The following SMAD6 variants were observed in gnomAD, a reference collection of about 807,000 sequenced individuals.
The protein encoded by SMAD6 is MAD homolog 6.
Under a neutral mutation model 39.4 loss-of-function variants are expected in SMAD6, and 103 were observed. That is an observed-to-expected ratio of 2.62 (90% CI 2.23 to 3.08). SMAD6 has a LOEUF of 3.08. Among genes scored for constraint, SMAD6 ranks in the 30% most tolerant of loss-of-function variants. The pLI is 0.00. For missense variants in SMAD6, 1,104 were observed against 742.9 expected, an observed-to-expected ratio of 1.49 and a Z score of -5.65; for synonymous variants, 445 against 353.3, an observed-to-expected ratio of 1.26 and a Z score of -2.91.
chr15:66,740,313 C>T (rs1249420407), intron 3 of SMAD6: 2 of 152,260 alleles, frequency 1.3e-5, no homozygotes, highest in Non-Finnish European at 2.9e-5. Flanking sequence ...AGGAAGCCTT[C>T]TCTAGTCACC....
rs183459516 is a variant in SMAD6, at chr15:66,758,023, G to A, written c.953-22974G>A. 4.0e-4 allele frequency among the ~76,000 whole-genome samples: 61 copies of A among 152,296 alleles called. 2 individuals are homozygous for A. The Middle Eastern group carries it at 0.041, about 102-fold the overall frequency. ...GTGGGCGTGGGACCCTCCTTCAAGC[G>A]AATTCCACATTTACTCCATGGATAG... is the stretch of plus-strand genomic sequence containing the variant. On this transcript the variant is annotated intron_variant, in intron 3 of 3. Coordinates refer to ENST00000288840, the MANE Select transcript of SMAD6 (RefSeq NM_005585.5).
chr15:66,717,961 A>G (rs1893362915), intron 3 of SMAD6, among the ~76,000 whole-genome samples: 2 of 152,156 alleles, frequency 1.3e-5, no homozygotes, highest in Admixed American at 6.5e-5. Context: ...AGCCACATAT[A>G]ATTTTGAAGC....
intron 3 of SMAD6, among the ~76,000 whole-genome samples, chr15:66,772,469 T>C (rs1227655968): frequency 6.6e-6 from 1 of 152,236 alleles, no homozygotes; most frequent in Non-Finnish European, 1.5e-5. Context: ...ACATATTATG[T>C]TTGCAGGTGT....
intron 3 of SMAD6, among the ~76,000 whole-genome samples, chr15:66,774,386 C>G (rs1894430077): frequency 6.6e-6 from 1 of 152,208 alleles, no homozygotes; most frequent in African/African-American, 2.4e-5. Flanking sequence ...ACATGTTGGG[C>G]TCGCAGCACC....
In SMAD6 at chr15:66,716,509, T is replaced by C. The variant is rs1230643800; in HGVS notation, c.952+11T>C. ...CGGGTGAATTCTCAGGTCAGCATTT[T>C]TTCTTGTGCATTGCTGTTGTGTTGA... On this transcript the variant is annotated intron_variant, in intron 3 of 3. Transcript: ENST00000288840. 2 of 1,600,462 alleles carry C rather than the reference T, an allele frequency of 1.2e-6. No individual in the cohort carries two copies. The highest frequency in any genetic ancestry group is 1.7e-6 in the Non-Finnish European group (2 of 1,167,716).
chr15:66,781,224 A>T lies in SMAD6; in HGVS notation c.1180A>T (p.Ser394Cys), dbSNP rs1235099986. The T allele has an allele frequency of 1.2e-6, 2 of 1,608,872 alleles. No homozygotes were observed. Among genetic ancestry groups the T allele is most frequent in the Admixed American group, 1.7e-5 (1 of 60,004 alleles). The change falls in exon 4 of 4, where the codon AGC (serine) becomes TGC (cysteine). Residue 394 changes from serine to cysteine, a missense_variant. Transcript: ENST00000288840. ...CAAGATCGGCTTCGGCATCCTGCTC[A>T]GCAAGGAGCCCGACGGCGTGTGGGC... ...RSKIGFGILLSKEPDGVWAYN... is the reference protein window; with the variant it reads ...RSKIGFGILLCKEPDGVWAYN...
At chr15:66,740,126 A>G (rs1386410173) in intron 3 of SMAD6, among the ~76,000 whole-genome samples, 11 of 152,160 alleles carry the variant, frequency 7.2e-5, no homozygotes. Context: ...GGTGGGAGAA[A>G]GAGCCCCAGC....
intron 3 of SMAD6, among the ~76,000 whole-genome samples, chr15:66,776,970 G>A (rs1894477618): frequency 6.6e-6 from 1 of 152,136 alleles, no homozygotes; most frequent in African/African-American, 2.4e-5. Flanking sequence ...CTGGGAGGTC[G>A]AGGCCGCAGT....
At position 66,781,081 on chromosome 15, in the gene SMAD6, T is replaced by C; in HGVS notation, c.1037T>C (p.Leu346Pro). The C allele has an allele frequency of 6.2e-7, 1 of 1,607,392 alleles. No individual in the cohort carries two copies. The highest frequency in any genetic ancestry group is 1.1e-5 in the South Asian group (1 of 90,696). ...GAGCACCGGACGCGCGTGGGCCGCC[T>C]CTATGCGGTGTACGACCAGGCCGTC... ...YWEHRTRVGR[L>P]YAVYDQAVSI... Residue 346 changes from leucine to proline, a missense_variant, in exon 4 of 4, where the codon CTC becomes CCC. Leu to Pro is a moderately conservative substitution (Grantham distance 98, BLOSUM62 -3). Coordinates refer to ENST00000288840, the MANE Select transcript of SMAD6 (RefSeq NM_005585.5).
chr15:66,752,243 G>T (rs1189487439), intron 3 of SMAD6, among the ~76,000 whole-genome samples: 1 of 152,126 alleles, frequency 6.6e-6, no homozygotes, highest in African/African-American at 2.4e-5. Context: ...TGGCAGCTTT[G>T]CCTCTGTGGG....
Position 66,720,231 on chromosome 15 carries a change from G to A in SMAD6, c.952+3733G>A, listed in dbSNP as rs564400156. ...ATACTAAGGTGTGAGTGGCTGGTAG[G>A]CAAACTTTTTTTTTTTTTTCAACTT... is the stretch of plus-strand genomic sequence containing the variant. On this transcript the variant is annotated intron_variant, in intron 3 of 3. Coordinates refer to ENST00000288840, the MANE Select transcript of SMAD6 (RefSeq NM_005585.5). 2.9e-3 allele frequency among the ~76,000 whole-genome samples: 423 copies of A among 145,650 alleles called. 1 individual carries two copies. Among genetic ancestry groups the A allele is most frequent in the African/African-American group, 8.7e-3 (333 of 38,158 alleles).
chr15:66,744,225 C>A (rs929650175), intron 3 of SMAD6, among the ~76,000 whole-genome samples: 1 of 152,200 alleles, frequency 6.6e-6, no homozygotes, highest in African/African-American at 2.4e-5. Context: ...ACAAAAACCG[C>A]GGCTCTGGGA....
intron 3 of SMAD6, among the ~76,000 whole-genome samples, chr15:66,760,902 C>G (rs1394336093): frequency 6.6e-6 from 1 of 152,128 alleles, no homozygotes; most frequent in African/African-American, 2.4e-5. Context: ...CCATGCCAGG[C>G]TGTTGAACCC....
Position 66,717,085 on chromosome 15 carries a change from A to T in SMAD6, c.952+587A>T, listed in dbSNP as rs369164073. ...TCCCCTGCAGTTAGAAGCTGGTCAT[A>T]GGGACCCCTACATCCGGAGGAATAC... On this transcript the variant is annotated intron_variant, in intron 3 of 3. Coordinates refer to ENST00000288840, the MANE Select transcript of SMAD6 (RefSeq NM_005585.5). 21 of 1,288,892 alleles carry T rather than the reference A, an allele frequency of 1.6e-5. No individual in the cohort carries two copies. The East Asian group carries it at 2.2e-4, about 14-fold the overall frequency. 79.8% of individuals were successfully genotyped at this position (1,288,892 alleles called of 1,614,324 possible).
intron 3 of SMAD6, among the ~76,000 whole-genome samples, chr15:66,774,684 T>C (rs2140673471): frequency 6.6e-6 from 1 of 152,268 alleles, no homozygotes; most frequent in Admixed American, 6.5e-5. Context: ...TCCACCGTTC[T>C]TTAAGTATCC....
In SMAD6 at chr15:66,781,575, C is replaced by T; in HGVS notation, c.*40C>T. 7.0e-7 allele frequency: 1 copy of T among 1,433,892 alleles called. No individual in the cohort carries two copies. 88.8% of individuals were successfully genotyped at this position (1,433,892 alleles called of 1,614,324 possible). ...GGAGGGGCGGGTGGGAGGCCGCGGC[C>T]ACCGCCACCTGCCGGCCTCGAGAGG... is the stretch of plus-strand genomic sequence containing the variant. On this transcript the variant is annotated 3_prime_UTR_variant, in exon 4 of 4. Transcript: ENST00000288840.
chr15:66,731,137 C>T (rs879268724), intron 3 of SMAD6, among the ~76,000 whole-genome samples: 21 of 152,004 alleles, frequency 1.4e-4, no homozygotes, highest in Non-Finnish European at 2.1e-4. Context: ...TTTCTATTAC[C>T]CTTAAAAGTT....
intron 3 of SMAD6, among the ~76,000 whole-genome samples, chr15:66,720,265 A>G (rs1332451884): frequency 1.3e-5 from 2 of 151,958 alleles, no homozygotes; most frequent in African/African-American, 2.4e-5. Context: ...TTTAAAGTAG[A>G]ACATGCCATA....
intron 2 of SMAD6, 58 bp downstream of exon 2, chr15:66,711,782 A>G (rs1893236774): frequency 1.5e-6 from 2 of 1,368,912 alleles, no homozygotes; most frequent in Admixed American, 1.7e-5. Flanking sequence ...GGTCCTCTTC[A>G]GCCCAGTGTC....
Sources: gnomAD v4.1 joint callset for allele counts (sites outside exome capture counted in the v4.1 genomes callset) on GRCh38, gnomAD v4.1.1 for gene constraint, MANE v1.5 for transcripts, NCBI Gene and HGNC (gene_info 2026-07-23, HGNC 2026-07-21) for gene names.